NRG3: variants seen among roughly 807,000 people sequenced by gnomAD.
NRG3 encodes pro-neuregulin-3, membrane-bound isoform.
Under a neutral mutation model 66.9 loss-of-function variants are expected in NRG3, and 31 were observed. The observed-to-expected ratio is 0.46, with a 90% confidence interval of 0.35 to 0.63. NRG3 has a LOEUF of 0.63. Among genes scored for constraint, NRG3 ranks in the 20% least tolerant of loss-of-function variants. The probability of loss-of-function intolerance (pLI) is 0.00; values close to 1 mark genes in which losing one functional copy is unlikely to be tolerated. For missense variants in NRG3, 910 were observed against 878.9 expected, an observed-to-expected ratio of 1.04 and a Z score of -0.45; for synonymous variants, 393 against 359.4, an observed-to-expected ratio of 1.09 and a Z score of -1.06.
chr10:82,890,127 G>A (rs1316604173), intron 4 of NRG3, among the ~76,000 whole-genome samples: 15 of 138,162 alleles, frequency 1.1e-4, no homozygotes, highest in East Asian at 4.1e-4. Flanking sequence ...GATCTGCTAA[G>A]TTTTTTTTTT....
In NRG3 at chr10:82,440,497, T is replaced by A. The variant is rs115421018; in HGVS notation, c.953+81629T>A. Among the ~76,000 whole-genome samples the A allele has an allele frequency of 5.7e-3, 862 of 152,184 alleles. 9 individuals carry two copies. Among genetic ancestry groups the A allele is most frequent in the African/African-American group, 0.02 (823 of 41,532 alleles). ...TGTTATTTTGGTTGATTTTGATGTT[T>A]CCTGTGTCTCGGAGGCTTTGCAGTG... On this transcript the variant is annotated intron_variant, in intron 2 of 8. Transcript: ENST00000372141.
chr10:82,850,551 A>C (rs533441678), intron 3 of NRG3, among the ~76,000 whole-genome samples: 2 of 152,326 alleles, frequency 1.3e-5, no homozygotes, highest in Non-Finnish European at 2.9e-5. Context: ...ATTGACACCA[A>C]ATAAAATATC....
At chr10:82,414,270 ATAGG>A (rs929285626) in intron 2 of NRG3, among the ~76,000 whole-genome samples, 6 of 152,144 alleles carry the variant, frequency 3.9e-5, no homozygotes, top group Non-Finnish European at 7.4e-5. Flanking sequence ...GTGTCAGGAA[ATAGG>A]TAGACTGAGA....
At chr10:82,750,498 C>G (rs2058821298) in intron 3 of NRG3, among the ~76,000 whole-genome samples, 1 of 152,092 alleles carries the variant, frequency 6.6e-6, no homozygotes, top group Non-Finnish European at 1.5e-5. Context: ...TCTGAATTTT[C>G]TCTTAAGAGA....
intron 1 of NRG3, among the ~76,000 whole-genome samples, chr10:82,164,353 T>C (rs752549812): frequency 6.6e-6 from 1 of 152,196 alleles, no homozygotes; most frequent in Non-Finnish European, 1.5e-5. Context: ...CATTTCTGTG[T>C]GTTGGAAGAT....
intron 2 of NRG3, among the ~76,000 whole-genome samples, chr10:82,738,344 A>T (rs1277179699): frequency 6.6e-6 from 1 of 152,204 alleles, no homozygotes; most frequent in African/African-American, 2.4e-5. Context: ...TGCTCCTTAG[A>T]TATTGCATAT....
intron 1 of NRG3, among the ~76,000 whole-genome samples, chr10:81,895,901 C>T (rs751769174): frequency 2.0e-5 from 3 of 151,984 alleles, no homozygotes; most frequent in Non-Finnish European, 2.9e-5. Flanking sequence ...CATTGGAAGC[C>T]GAGGAGTGTT....
chr10:82,001,652 T>C (rs1343014115), intron 1 of NRG3, among the ~76,000 whole-genome samples: 1 of 152,226 alleles, frequency 6.6e-6, no homozygotes, highest in Non-Finnish European at 1.5e-5. Context: ...ATAGGAAAGC[T>C]AATGAATTGT....
intron 1 of NRG3, among the ~76,000 whole-genome samples, chr10:82,151,493 C>G (rs1189106860): frequency 6.6e-6 from 1 of 152,168 alleles, no homozygotes; most frequent in Non-Finnish European, 1.5e-5. Flanking sequence ...CCTCTCTGCT[C>G]TGCTCCTTTT....
chr10:82,210,694 C>T (rs1252091867), intron 1 of NRG3, among the ~76,000 whole-genome samples: 3 of 152,060 alleles, frequency 2.0e-5, no homozygotes, highest in Non-Finnish European at 2.9e-5. Flanking sequence ...AGAAAACACC[C>T]TAAATCAACA....
intron 1 of NRG3, among the ~76,000 whole-genome samples, chr10:82,042,200 A>C (rs1451623593): frequency 6.6e-6 from 1 of 152,040 alleles, no homozygotes; most frequent in Non-Finnish European, 1.5e-5. Context: ...TTTTTTTAAA[A>C]AAATTTGAGT....
At chr10:82,064,587 G>A (rs1332895357) in intron 1 of NRG3, among the ~76,000 whole-genome samples, 1 of 152,134 alleles carries the variant, frequency 6.6e-6, no homozygotes, top group Non-Finnish European at 1.5e-5. Context: ...ATGGATAAAT[G>A]TAAAGCTATA....
At chr10:82,873,228 G>C (rs1213188394) in intron 4 of NRG3, among the ~76,000 whole-genome samples, 1 of 152,170 alleles carries the variant, frequency 6.6e-6, no homozygotes, top group Non-Finnish European at 1.5e-5. Flanking sequence ...AATTAGAGCA[G>C]AAATTTGGAA....
intron 2 of NRG3, among the ~76,000 whole-genome samples, chr10:82,671,147 T>C (rs139088898): frequency 2.0e-5 from 3 of 152,318 alleles, no homozygotes; most frequent in African/African-American, 4.8e-5. Flanking sequence ...TCCTCACCAG[T>C]GCCTGGAAAA....
intron 4 of NRG3, among the ~76,000 whole-genome samples, chr10:82,891,777 CTCTG>C (rs1441546447): frequency 1.3e-5 from 2 of 151,818 alleles, no homozygotes; most frequent in African/African-American, 4.8e-5. Flanking sequence ...CTTAATGTCT[CTCTG>C]TCTGGGTAGA....
chr10:82,775,124 C>A (rs1380694620), intron 3 of NRG3, among the ~76,000 whole-genome samples: 2 of 151,612 alleles, frequency 1.3e-5, no homozygotes, highest in Non-Finnish European at 2.9e-5. Context: ...CCGTGCCCAG[C>A]CTATTATTTC....
chr10:82,642,168 G>T (rs2050626689), intron 2 of NRG3, among the ~76,000 whole-genome samples: 1 of 152,138 alleles, frequency 6.6e-6, no homozygotes, highest in Non-Finnish European at 1.5e-5. Context: ...TGCTGCAAAA[G>T]ACATGATTTT....
intron 1 of NRG3, among the ~76,000 whole-genome samples, chr10:81,938,380 G>C (rs1305444038): frequency 8.3e-6 from 1 of 120,034 alleles, no homozygotes; most frequent in Non-Finnish European, 1.7e-5. Context: ...CCATTTATTT[G>C]TGTGTGTGTG....
chr10:82,350,340 CTTATTGTGTGT>C (rs1158048617), intron 1 of NRG3, among the ~76,000 whole-genome samples: 5 of 152,196 alleles, frequency 3.3e-5, no homozygotes, highest in Admixed American at 6.5e-5. Flanking sequence ...GCATTAAGCA[CTTATTGTGTGT>C]CAGGCTTTGT....
Sources: allele counts gnomAD v4.1 joint callset (sites outside exome capture counted in the v4.1 genomes callset), GRCh38; gene constraint gnomAD v4.1.1; transcripts MANE v1.5; gene names NCBI Gene and HGNC (gene_info 2026-07-23, HGNC 2026-07-21).